Variants in TMED7 observed in about 807,000 individuals in gnomAD.
The protein encoded by TMED7 is transmembrane emp24 domain-containing protein 7.
Under a neutral mutation model 23.4 loss-of-function variants are expected in TMED7, and 8 were observed. The ratio of observed to expected loss-of-function variants is 0.34; its 90% CI spans 0.20 to 0.62. The LOEUF (loss-of-function observed/expected upper bound fraction) is 0.62. TMED7 is among the 20% of genes least tolerant of loss of function. The probability of loss-of-function intolerance (pLI) is 0.77; values close to 1 mark genes in which losing one functional copy is unlikely to be tolerated. For missense variants in TMED7, 232 were observed against 279.1 expected, an observed-to-expected ratio of 0.83 and a Z score of 1.20; for synonymous variants, 121 against 108.5, an observed-to-expected ratio of 1.12 and a Z score of -0.72.
intron 2 of TMED7, among the ~76,000 whole-genome samples, chr5:115,617,115 G>A (rs1228331931): frequency 6.6e-6 from 1 of 152,152 alleles, no homozygotes; most frequent in East Asian, 1.9e-4. Context: ...ATCAATTTGT[G>A]AGCCTTTAGC....
Position 115,620,511 on chromosome 5 carries a change from G to C in TMED7, c.362C>G (p.Thr121Ser). The C allele has an allele frequency of 6.2e-7, 1 of 1,602,792 alleles. No homozygotes were observed. The highest frequency in any genetic ancestry group is 8.5e-7 in the Non-Finnish European group (1 of 1,175,532). Residue 121 changes from threonine to serine, a missense_variant, in exon 2 of 3, where the codon ACT becomes AGT. Transcript: ENST00000456936. ...TCCAACTTGAAAATCAAAATATACA[G>C]TTTTATGTGTGAAAGTAGAAAATTC... is the stretch of plus-strand genomic sequence containing the variant. ...SNEFSTFTHK[T>S]VYFDFQVGED...
At chr5:115,622,971 A>T (rs1757084550) in intron 1 of TMED7, among the ~76,000 whole-genome samples, 1 of 152,222 alleles carries the variant, frequency 6.6e-6, no homozygotes, top group Non-Finnish European at 1.5e-5. Context: ...TTATTACTGT[A>T]GGTTATGTTA....
rs770137007 is a variant in TMED7, at chr5:115,615,034, CTATACAAGT to C, written c.*1166_*1174del. On this transcript the variant is annotated 3_prime_UTR_variant, in exon 3 of 3. Coordinates refer to ENST00000456936, the MANE Select transcript of TMED7 (RefSeq NM_181836.6). ...AAAATCTTATTTCAATCAGCTCAATCTATACAAGTTATAAGATGCAACACAATGTAAACC... is the reference window on the plus strand; with the variant it reads ...AAAATCTTATTTCAATCAGCTCAATCTATAAGATGCAACACAATGTAAACC... 5.9e-5 allele frequency: 9 copies of C among 151,976 alleles called. No homozygotes were observed. The highest frequency in any genetic ancestry group is 1.3e-4 in the Non-Finnish European group (9 of 67,958). The allele number at this position is 151,976 out of a possible 1,614,324, so 9.4% of individuals were successfully genotyped here.
At chr5:115,617,523 G>A (rs2112568248) in intron 2 of TMED7, among the ~76,000 whole-genome samples, 1 of 148,316 alleles carries the variant, frequency 6.7e-6, no homozygotes, top group South Asian at 2.2e-4. Context: ...AGGCCCCTAG[G>A]AATGAAAAAT....
chr5:115,622,825 C>G (rs937024547), intron 1 of TMED7, among the ~76,000 whole-genome samples: 4 of 152,200 alleles, frequency 2.6e-5, no homozygotes, highest in African/African-American at 9.6e-5. Flanking sequence ...CTTACTCGTT[C>G]TATGTTCCTA....
intron 2 of TMED7, among the ~76,000 whole-genome samples, chr5:115,618,690 T>C (rs1756893113): frequency 6.6e-6 from 1 of 152,198 alleles, no homozygotes; most frequent in Non-Finnish European, 1.5e-5. Flanking sequence ...GTGTACTTCT[T>C]ACTGCATATT....
rs1757196552 is a variant in TMED7 at position 115,625,822 on chromosome 5, G to C, written c.-30C>G. The C allele has an allele frequency of 7.2e-7, 1 of 1,386,156 alleles. No individual in the cohort carries two copies. Among genetic ancestry groups the C allele is most frequent in the Non-Finnish European group, 9.3e-7 (1 of 1,077,286 alleles). 85.9% of individuals were successfully genotyped at this position (1,386,156 alleles called of 1,614,324 possible). A position where few individuals can be genotyped will look rare whatever the true frequency, so the allele number is the denominator to read the frequency against. ...AGAAGGCGGCGGCGGCCTCAACCGA[G>C]CTGCGAGACGCAGGGTCAGGTCTGC... On this transcript the variant is annotated 5_prime_UTR_variant, in exon 1 of 3. Coordinates refer to ENST00000456936, the MANE Select transcript of TMED7 (RefSeq NM_181836.6).
rs577079965 is a variant in TMED7, at chr5:115,616,649, A to G, written c.439-204T>C. 8.6e-5 allele frequency: 63 copies of G among 735,856 alleles called. No homozygotes were observed. The East Asian group carries it at 1.8e-3, about 21-fold the overall frequency. 45.6% of individuals were successfully genotyped at this position (735,856 alleles called of 1,614,324 possible). ...ACTGGGACAACTGTTAAGGCTAGAGATCTCATGAAGCAGCTGTTTTCCCCA... is the reference window on the plus strand; with the variant it reads ...ACTGGGACAACTGTTAAGGCTAGAGGTCTCATGAAGCAGCTGTTTTCCCCA... On this transcript the variant is annotated intron_variant, in intron 2 of 2. Transcript: ENST00000456936.
rs917014266 is a variant in TMED7, at chr5:115,615,945, A to C, written c.*264T>G. ...CCAAAGTTTAGTGTGCGAAGAGTAG[A>C]TATAAACAACTGCGAACAGAGTAGA... On this transcript the variant is annotated 3_prime_UTR_variant, in exon 3 of 3. Transcript: ENST00000456936. The C allele has an allele frequency of 1.3e-5, 6 of 458,408 alleles. No homozygotes were observed. Among genetic ancestry groups the C allele is most frequent in the Non-Finnish European group, 2.4e-5 (6 of 254,786 alleles). The allele number at this position is 458,408 out of a possible 1,614,324, so 28.4% of individuals were successfully genotyped here.
intron 2 of TMED7, among the ~76,000 whole-genome samples, chr5:115,618,802 T>G (rs1020197352): frequency 6.6e-6 from 1 of 152,228 alleles, no homozygotes; most frequent in Non-Finnish European, 1.5e-5. Flanking sequence ...ACTTAATGGT[T>G]TTAGTAGTGA....
chr5:115,621,039 T>G (rs907465081), intron 1 of TMED7, among the ~76,000 whole-genome samples: 4 of 152,182 alleles, frequency 2.6e-5, no homozygotes, highest in African/African-American at 9.6e-5. Context: ...TTCATCTAAA[T>G]TAAGTGGGAA....
At position 115,625,752 on chromosome 5, in the gene TMED7, G is replaced by A. The variant is rs757710301; in HGVS notation, c.41C>T (p.Ala14Val). The A allele has an allele frequency of 6.5e-7, 1 of 1,541,866 alleles. No individual in the cohort carries two copies. The highest frequency in any genetic ancestry group is 2.0e-5 in the Admixed American group (1 of 49,426). The change falls in exon 1 of 3, where the codon GCG becomes GTG. Residue 14 changes from alanine to valine, a missense_variant. By Grantham distance (64) the Ala-to-Val change is moderately conservative. This residue lies in a region of TMED7 where 106 missense variants were observed against 97.0 expected (regional missense o/e 1.09). Transcript: ENST00000456936. ...GAGCAGCCTGCACCCCCAACGGCCC[G>A]CGACGGCCGCCCAGCGCTGCGCGGA... ...PGSAQRWAAV[A>V]GRWGCRLLAL...
chr5:115,625,959 T>C lies in TMED7; in HGVS notation c.-167A>G, dbSNP rs2546473. 127,004 of 983,290 alleles carry C rather than the reference T, an allele frequency of 0.13. 8,647 individuals are homozygous for C. The highest frequency in any genetic ancestry group is 0.19 in the East Asian group (5,643 of 29,550). 60.9% of individuals were successfully genotyped at this position (983,290 alleles called of 1,614,324 possible). A position where few individuals can be genotyped will look rare whatever the true frequency, so the allele number is the denominator to read the frequency against. On this transcript the variant is annotated 5_prime_UTR_variant, in exon 1 of 3. Coordinates refer to ENST00000456936, the MANE Select transcript of TMED7 (RefSeq NM_181836.6). ...GGATCAGAGCGACCCTCCGGCTTCC[T>C]GTGAGGGGCGCAGACGGGCGGACCT...
In TMED7 at chr5:115,618,296, A is replaced by T. The variant is rs539274020; in HGVS notation, c.439-1851T>A. On this transcript the variant is annotated intron_variant, in intron 2 of 2. Coordinates refer to ENST00000456936, the MANE Select transcript of TMED7 (RefSeq NM_181836.6). ...CAAATACTTTTATACTTTATTTCTA[A>T]AAGATAACACTTTTTAAAAACATAA... is the stretch of plus-strand genomic sequence containing the variant. 2.0e-5 allele frequency among the ~76,000 whole-genome samples: 3 copies of T among 152,312 alleles called. No homozygotes were observed. In the East Asian group the frequency reaches 5.8e-4, roughly 29 times the overall value.
At position 115,620,646 on chromosome 5, in the gene TMED7, C is replaced by T. The variant is rs779604271; in HGVS notation, c.227G>A (p.Arg76Gln). The T allele has an allele frequency of 5.2e-5, 82 of 1,567,066 alleles. No homozygotes were observed. The highest frequency in any genetic ancestry group is 6.6e-5 in the Non-Finnish European group (76 of 1,157,962). The part of the protein sequence containing the change: ...ITGGHYDVDC[R>Q]LEDPDGKVLY... ...CACTTTACCATCAGGATCTTCTAAT[C>T]GACAATCTACATCATAGTGACCACC... Residue 76 changes from arginine to glutamine, a missense_variant, in exon 2 of 3, where the codon CGA becomes CAA. Arg to Gln is a conservative substitution (Grantham distance 43). This residue lies in a region of TMED7 where 126 missense variants were observed against 182.1 expected (regional missense o/e 0.69). Coordinates refer to ENST00000456936, the MANE Select transcript of TMED7 (RefSeq NM_181836.6).
Position 115,625,778 on chromosome 5 carries a change from C to T in TMED7, c.15G>A (p.Gly5=), listed in dbSNP as rs569213030. ...CGACGGCCGCCCAGCGCTGCGCGGA[C>T]CCCGGCCGCGGCATCCCGAGAAGGC... MPRP[G]SAQRWAAVAG... The change falls in exon 1 of 3, where the codon GGG becomes GGA. Residue 5 remains glycine (G), a synonymous_variant. Transcript: ENST00000456936. 1.3e-5 allele frequency: 19 copies of T among 1,449,544 alleles called. No individual in the cohort carries two copies. In the Admixed American group the frequency reaches 1.6e-4, roughly 12 times the overall value. The allele number at this position is 1,449,544 out of a possible 1,614,324, so 89.8% of individuals were successfully genotyped here.
At chr5:115,616,770 G>C (rs1561588597) in intron 2 of TMED7, among the ~76,000 whole-genome samples, 1 of 152,118 alleles carries the variant, frequency 6.6e-6, no homozygotes, top group Admixed American at 6.5e-5. Flanking sequence ...GGTGACTACA[G>C]AATTTCCAGC....
chr5:115,622,709 T>C (rs11957723), intron 1 of TMED7, among the ~76,000 whole-genome samples: 4,509 of 152,298 alleles, frequency 0.03, 192 homozygotes, highest in African/African-American at 0.098. Context: ...TAAAAACTTT[T>C]TGATAATTAC....
intron 1 of TMED7, among the ~76,000 whole-genome samples, chr5:115,624,016 T>C (rs762965847): frequency 2.6e-5 from 4 of 152,202 alleles, no homozygotes; most frequent in Non-Finnish European, 5.9e-5. Context: ...GTAAGAGCTA[T>C]AACAATTTCA....
Sources: gnomAD v4.1 joint callset for allele counts (sites outside exome capture counted in the v4.1 genomes callset) on GRCh38, gnomAD v4.1.1 for gene constraint, gnomAD v4.1.1 regional missense constraint, MANE v1.5 for transcripts, NCBI Gene and HGNC (gene_info 2026-07-23, HGNC 2026-07-21) for gene names.